Variants in DCC observed in about 807,000 individuals in gnomAD.
DCC encodes netrin receptor DCC.
DCC carries 58 observed loss-of-function variants against 172.5 expected under a neutral mutation model. That is an observed-to-expected ratio of 0.34 (90% CI 0.27 to 0.42). DCC has a LOEUF of 0.42. Ranked by LOEUF, DCC falls within the 10% of genes least tolerant of loss-of-function variation. The pLI, the probability that DCC is intolerant of heterozygous loss-of-function variation, is 1.00. For missense variants in DCC, 1,740 were observed against 1,791.0 expected, an observed-to-expected ratio of 0.97 and a Z score of 0.51; for synonymous variants, 709 against 644.5, an observed-to-expected ratio of 1.10 and a Z score of -1.52.
At chr18:52,784,550 T>G (rs115627213) in intron 2 of DCC, among the ~76,000 whole-genome samples, 1 of 151,994 alleles carries the variant, frequency 6.6e-6, no homozygotes, top group Non-Finnish European at 1.5e-5. Context: ...ACGGGTTCAA[T>G]TTTTCTCTAC....
chr18:52,566,952 A>G (rs571617128), intron 1 of DCC, among the ~76,000 whole-genome samples: 1 of 152,312 alleles, frequency 6.6e-6, no homozygotes, highest in East Asian at 1.9e-4. Flanking sequence ...GCCTAAACCC[A>G]TGTAATAGCA....
At chr18:53,373,877 C>G (rs1199320884) in intron 15 of DCC, among the ~76,000 whole-genome samples, 1 of 103,232 alleles carries the variant, frequency 9.7e-6, no homozygotes, top group Non-Finnish European at 2.5e-5. Context: ...TTTTTGTTAT[C>G]TTCAAGTGTG....
intron 1 of DCC, among the ~76,000 whole-genome samples, chr18:52,352,798 G>GCAGT (rs1984183478): frequency 6.6e-6 from 1 of 152,138 alleles, no homozygotes; most frequent in Non-Finnish European, 1.5e-5. Flanking sequence ...ATTCCAACAT[G>GCAGT]CAGTCATGTT....
chr18:52,434,261 C>T (rs965840204), intron 1 of DCC, among the ~76,000 whole-genome samples: 1 of 152,090 alleles, frequency 6.6e-6, no homozygotes, highest in Non-Finnish European at 1.5e-5. Flanking sequence ...GTACATTTGG[C>T]AATGTCTAGA....
chr18:53,279,170 G>A (rs1229291051), intron 12 of DCC, among the ~76,000 whole-genome samples: 2 of 152,106 alleles, frequency 1.3e-5, no homozygotes, highest in Admixed American at 1.3e-4. Flanking sequence ...CAGTGATGAT[G>A]AACATTTTTT....
intron 5 of DCC, among the ~76,000 whole-genome samples, chr18:53,003,305 A>G (rs561788319): frequency 1.3e-5 from 2 of 152,184 alleles, no homozygotes; most frequent in Non-Finnish European, 2.9e-5. Flanking sequence ...ATAATTGAAA[A>G]TGCTGTTAAA....
At chr18:53,176,728 C>G (rs71368915) in intron 8 of DCC, among the ~76,000 whole-genome samples, 5,993 of 147,778 alleles carry the variant, frequency 0.041, 113 homozygotes, top group East Asian at 0.086. Flanking sequence ...TACACTGTTG[C>G]TGGGACTGTA....
chr18:52,844,559 T>A (rs2038856374), intron 2 of DCC, among the ~76,000 whole-genome samples: 1 of 152,212 alleles, frequency 6.6e-6, no homozygotes, highest in African/African-American at 2.4e-5. Context: ...TGGTATACAT[T>A]ATTTTATTCA....
chr18:52,541,891 A>ATATATATATATATATATATG lies in DCC; in HGVS notation c.91+201018_91+201019insATATATATATATATGTATAT, dbSNP rs1449522752. 5.2e-5 allele frequency among the ~76,000 whole-genome samples: 6 copies of ATATATATATATATATATATG among 115,784 alleles called. No homozygotes were observed. The East Asian group carries it at 1.3e-3, about 25-fold the overall frequency. 76.0% of individuals were successfully genotyped at this position (115,784 alleles called of 152,430 possible). A position where few individuals can be genotyped will look rare whatever the true frequency, so the allele number is the denominator to read the frequency against. On this transcript the variant is annotated intron_variant, in intron 1 of 28. Transcript: ENST00000442544. ...TGTGTGTGTGTATATATATATATAT[A>ATATATATATATATATATATG]TATATGTGTATATATATATGTACAC...
chr18:53,060,978 A>G, intron 5 of DCC, among the ~76,000 whole-genome samples: 1 of 152,200 alleles, frequency 6.6e-6, no homozygotes, highest in East Asian at 1.9e-4. Context: ...ACACATAAAC[A>G]GACATACCAC....
chr18:53,516,323 G>A (rs200532949), intron 27 of DCC, among the ~76,000 whole-genome samples: 2,985 of 143,756 alleles, frequency 0.021, 93 homozygotes, highest in East Asian at 0.072. Context: ...AGACTTAAAC[G>A]TTAGACCTAA....
intron 1 of DCC, among the ~76,000 whole-genome samples, chr18:52,385,051 T>C (rs1052683095): frequency 6.6e-6 from 1 of 152,090 alleles, no homozygotes; most frequent in Non-Finnish European, 1.5e-5. Flanking sequence ...GAAATTTTTA[T>C]AGAAGCTCAG....
At chr18:52,921,705 A>AAATAAT (rs71175538) in intron 3 of DCC, among the ~76,000 whole-genome samples, 2 of 146,882 alleles carry the variant, frequency 1.4e-5, no homozygotes, top group Admixed American at 6.9e-5. Flanking sequence ...TCAAAAATAA[A>AAATAAT]AATAATAATA....
intron 25 of DCC, among the ~76,000 whole-genome samples, chr18:53,469,488 A>T (rs888361930): frequency 3.3e-5 from 5 of 152,182 alleles, no homozygotes; most frequent in African/African-American, 1.2e-4. Flanking sequence ...ATTCTTAGCT[A>T]ATAATCTTAT....
At chr18:52,588,906 T>A (rs1010559713) in intron 1 of DCC, among the ~76,000 whole-genome samples, 7 of 152,156 alleles carry the variant, frequency 4.6e-5, no homozygotes, top group South Asian at 2.1e-4. Flanking sequence ...GAGACTCAAG[T>A]TTTTTAGTTA....
At chr18:53,334,920 T>C (rs1339449475) in intron 14 of DCC, among the ~76,000 whole-genome samples, 1 of 152,216 alleles carries the variant, frequency 6.6e-6, no homozygotes, top group Non-Finnish European at 1.5e-5. Context: ...TTTGTTTGAG[T>C]CCCTGCTTTC....
At chr18:52,366,777 A>G (rs1363465861) in intron 1 of DCC, among the ~76,000 whole-genome samples, 1 of 152,170 alleles carries the variant, frequency 6.6e-6, no homozygotes, top group Non-Finnish European at 1.5e-5. Flanking sequence ...TGTATTTACA[A>G]TCCCTGAGCT....
In DCC at chr18:52,957,297, A is replaced by G. The variant is rs192616451; in HGVS notation, c.985+31927A>G. Reference sequence around the variant, plus strand: ...GGAAAACTCATAAAATACAACCAATATAGTAGATTATAACTTTGCTGGAAA... The same window carrying G: ...GGAAAACTCATAAAATACAACCAATGTAGTAGATTATAACTTTGCTGGAAA... On this transcript the variant is annotated intron_variant, in intron 5 of 28. Coordinates refer to ENST00000442544, the MANE Select transcript of DCC (RefSeq NM_005215.4). Among the ~76,000 whole-genome samples the G allele has an allele frequency of 9.9e-5, 15 of 152,240 alleles. No individual in the cohort carries two copies. In the East Asian group the frequency reaches 2.9e-3, roughly 29 times the overall value.
intron 1 of DCC, among the ~76,000 whole-genome samples, chr18:52,547,606 G>T (rs2144716481): frequency 6.6e-6 from 1 of 152,196 alleles, no homozygotes; most frequent in South Asian, 2.1e-4. Flanking sequence ...TGAAAGACCA[G>T]TGAACAAATA....
Sources: gnomAD v4.1 joint callset for allele counts (sites outside exome capture counted in the v4.1 genomes callset) on GRCh38, gnomAD v4.1.1 for gene constraint, MANE v1.5 for transcripts, NCBI Gene and HGNC (gene_info 2026-07-23, HGNC 2026-07-21) for gene names.